The following SMYD4 variants were observed in gnomAD, a reference collection of about 807,000 sequenced individuals.
The protein encoded by SMYD4 is SET and MYND domain containing 4.
A neutral mutation model predicts 72.8 loss-of-function variants in SMYD4; 68 were observed. The observed-to-expected ratio is 0.93, with a 90% CI of 0.77 to 1.14. The LOEUF (loss-of-function observed/expected upper bound fraction) is 1.14. Among genes scored for constraint, SMYD4 ranks in the 50% most tolerant of loss-of-function variants. SMYD4 has a pLI of 0.00. For synonymous variants in SMYD4, 407 were observed against 388.6 expected, an observed-to-expected ratio of 1.05 and a Z score of -0.56; for missense variants, 984 against 1,003.7, an observed-to-expected ratio of 0.98 and a Z score of 0.27.
At chr17:1,827,058 C>T (rs1422451483) in intron 2 of SMYD4, among the ~76,000 whole-genome samples, 2 of 152,080 alleles carry the variant, frequency 1.3e-5, no homozygotes, top group African/African-American at 2.4e-5. Flanking sequence ...GACGCTGAGG[C>T]ATGAGAATCG....
In SMYD4 at chr17:1,783,037, G is replaced by A. The variant is rs79114668; in HGVS notation, c.2259C>T (p.Asn753=). 1,311 of 1,613,808 alleles carry A rather than the reference G, an allele frequency of 8.1e-4. 14 individuals carry two copies. The African/African-American group carries it at 0.016, about 20-fold the overall frequency. ...TGTGAAGTGGGAAAGGGACTCACCC[G>A]TTGAAAAAGATCTGGGCCAATTTGA... ...ELFKLAQIFF[N]GFAVPEALST... The change falls in exon 10 of 11, where the codon AAC becomes AAT. Residue 753 remains asparagine (N), a splice_region_variant and synonymous_variant. Transcript: ENST00000305513.
chr17:1,793,555 A>G (rs1452513007), intron 5 of SMYD4, among the ~76,000 whole-genome samples: 1 of 152,034 alleles, frequency 6.6e-6, no homozygotes, highest in African/African-American at 2.4e-5. Context: ...CTTAGACTCA[A>G]AAGTCACATC....
chr17:1,804,274 G>GA (rs1909923485), intron 4 of SMYD4: 1 of 226,652 alleles, frequency 4.4e-6, no homozygotes, highest in Non-Finnish European at 9.0e-6. Context: ...GAGTTCGAGT[G>GA]ATTCTCCTGC....
intron 10 of SMYD4, chr17:1,782,283 G>C (rs1908405603): frequency 6.6e-6 from 1 of 151,982 alleles, no homozygotes; most frequent in Non-Finnish European, 1.5e-5. Context: ...GGTGGGGGGG[G>C]CACTGTCTTG....
intron 4 of SMYD4, among the ~76,000 whole-genome samples, chr17:1,804,144 G>C (rs1909915955): frequency 6.6e-6 from 1 of 151,098 alleles, no homozygotes; most frequent in Non-Finnish European, 1.5e-5. Context: ...CAAAGTGTTG[G>C]GATTACAGGC....
intron 5 of SMYD4, among the ~76,000 whole-genome samples, 194 bp downstream of exon 5, chr17:1,799,663 C>A (rs1207068150): frequency 1.3e-5 from 2 of 152,068 alleles, no homozygotes; most frequent in African/African-American, 2.4e-5. Context: ...AGTGGGCCAC[C>A]ACGCCTGGCA....
chr17:1,801,794 G>A (rs1041748387), intron 4 of SMYD4, among the ~76,000 whole-genome samples: 4 of 151,454 alleles, frequency 2.6e-5, no homozygotes, highest in African/African-American at 7.3e-5. Context: ...GGCTAACATG[G>A]TGAAACCCCA....
intron 5 of SMYD4, among the ~76,000 whole-genome samples, chr17:1,790,666 A>G (rs1425912921): frequency 2.0e-5 from 3 of 151,782 alleles, no homozygotes; most frequent in South Asian, 4.2e-4. Context: ...ACAGGCGCCC[A>G]TCACCACACT....
In SMYD4 at chr17:1,804,690, G is replaced by A; in HGVS notation, c.305C>T (p.Thr102Ile). Residue 102 changes from threonine (T) to isoleucine (I), a missense_variant, in exon 4 of 11, where the codon ACT becomes ATT. By Grantham distance (89) the Thr-to-Ile change is moderately conservative. Coordinates refer to ENST00000305513, the MANE Select transcript of SMYD4 (RefSeq NM_052928.3). The part of the protein sequence containing the change: ...SKGVSHSRPN[T>I]EDMSLCHANR... ...AGCATGACACAGTGACATGTCCTCA[G>A]TGTTAGGCCTTGAATGTGACACTCC... The A allele has an allele frequency of 6.2e-7, 1 of 1,613,622 alleles. No individual in the cohort carries two copies. Among genetic ancestry groups the A allele is most frequent in the Admixed American group, 1.7e-5 (1 of 60,002 alleles).
intron 2 of SMYD4, among the ~76,000 whole-genome samples, chr17:1,826,491 C>CAAAAAAAAAAAAAAAAAAAAA (rs111636314): frequency 2.2e-4 from 23 of 103,108 alleles, no homozygotes; most frequent in African/African-American, 2.8e-4. Flanking sequence ...AAACTCTGTC[C>CAAAAAAAAAAAAAAAAAAAAA]AAAAAAAAAA....
intron 2 of SMYD4, among the ~76,000 whole-genome samples, chr17:1,824,176 C>G (rs1368502890): frequency 1.3e-5 from 2 of 152,090 alleles, no homozygotes; most frequent in Non-Finnish European, 2.9e-5. Flanking sequence ...AACCCCGTCT[C>G]TACTAAAAAT....
chr17:1,804,649 G>C lies in SMYD4; in HGVS notation c.346C>G (p.Leu116Val), dbSNP rs1909944037. The C allele has an allele frequency of 6.2e-7, 1 of 1,613,662 alleles. No individual in the cohort carries two copies. The highest frequency in any genetic ancestry group is 8.5e-7 in the Non-Finnish European group (1 of 1,179,732). The change falls in exon 4 of 11, where the codon CTC becomes GTC. Residue 116 changes from leucine to valine, a missense_variant. Transcript: ENST00000305513. ...SLCHANRSAA[L>V]FHLGQYETCL... ...ACCTCATACTGACCCAGGTGGAAGA[G>C]GGCTGCCGAGCGGTTAGCATGACAC...
chr17:1,829,570 A>ACCCCCCCCCCCCCCCCC (rs17291703), intron 1 of SMYD4, 156 bp downstream of exon 1: 1 of 148,022 alleles, frequency 6.8e-6, no homozygotes, highest in Admixed American at 6.7e-5. Context: ...CCTTTCGGAG[A>ACCCCCCCCCCCCCCCCC]CCCCCCACCC....
intron 2 of SMYD4, among the ~76,000 whole-genome samples, chr17:1,820,181 T>C (rs1227302757): frequency 6.6e-6 from 1 of 152,182 alleles, no homozygotes; most frequent in Non-Finnish European, 1.5e-5. Flanking sequence ...ATTATACTTT[T>C]TCATGGTCAA....
At chr17:1,797,194 T>G (rs938805016) in intron 5 of SMYD4, among the ~76,000 whole-genome samples, 3 of 152,216 alleles carry the variant, frequency 2.0e-5, no homozygotes, top group Non-Finnish European at 4.4e-5. Flanking sequence ...GAGCTAAGCA[T>G]GTAGAGTTTA....
chr17:1,826,565 T>C (rs1388493283), intron 2 of SMYD4, among the ~76,000 whole-genome samples: 7 of 148,948 alleles, frequency 4.7e-5, no homozygotes, highest in Non-Finnish European at 1.0e-4. Flanking sequence ...AGTATAACCC[T>C]AACTGTACCG....
intron 2 of SMYD4, among the ~76,000 whole-genome samples, chr17:1,824,455 G>A (rs1258463290): frequency 6.6e-6 from 1 of 152,072 alleles, no homozygotes; most frequent in African/African-American, 2.4e-5. Flanking sequence ...TAGTGATATG[G>A]CGTGGCTGTG....
rs145838756 is a variant in SMYD4 at position 1,783,408 on chromosome 17, C to T, written c.2089G>A (p.Val697Met). The change falls in exon 9 of 11, where the codon GTG (valine) becomes ATG (methionine). Residue 697 changes from valine (V) to methionine (M), a missense_variant. By Grantham distance (21) the Val-to-Met change is conservative. Coordinates refer to ENST00000305513, the MANE Select transcript of SMYD4 (RefSeq NM_052928.3). The part of the protein sequence containing the change: ...AESFLWAEHA[V>M]VGEIADGLAR... Reference sequence around the variant, plus strand: ...AGGCCATCCGCGATCTCTCCCACCACGGCGTGCTCTGCCCACAGGAAGCTC... The same window carrying T: ...AGGCCATCCGCGATCTCTCCCACCATGGCGTGCTCTGCCCACAGGAAGCTC... 4.8e-5 allele frequency: 77 copies of T among 1,612,758 alleles called. 1 individual carries two copies. The East Asian group carries it at 5.6e-4, about 12-fold the overall frequency.
rs147596863 is a variant in SMYD4, at chr17:1,811,844, T to C, written c.279+127A>G. The stretch of plus-strand genomic sequence containing the variant: ...CAGGAGACTAAGGTGGGAGGATCGC[T>C]TGAACCCAGGAGGCGAATGTTGCAG... On this transcript the variant is annotated intron_variant, in intron 3 of 10. Coordinates refer to ENST00000305513, the MANE Select transcript of SMYD4 (RefSeq NM_052928.3). 305 of 1,007,356 alleles carry C rather than the reference T, an allele frequency of 3.0e-4. 2 individuals carry two copies. The African/African-American group carries it at 4.4e-3, about 14-fold the overall frequency. The allele number at this position is 1,007,356 out of a possible 1,614,324, so 62.4% of individuals were successfully genotyped here.
Sources: allele counts gnomAD v4.1 joint callset (sites outside exome capture counted in the v4.1 genomes callset), GRCh38; gene constraint gnomAD v4.1.1; transcripts MANE v1.5; gene names NCBI Gene and HGNC (gene_info 2026-07-23, HGNC 2026-07-21).